SEZ6L: variants seen among roughly 807,000 people sequenced by gnomAD.
SEZ6L encodes seizure related 6 homolog like.
In SEZ6L, 37 loss-of-function variants were observed where a neutral mutation model predicts 106.2. That is an observed-to-expected ratio of 0.35 (90% CI 0.27 to 0.46). The LOEUF is 0.46. Ranked by LOEUF, SEZ6L falls within the 20% of genes least tolerant of loss-of-function variation. SEZ6L has a pLI of 1.00. For synonymous variants in SEZ6L, 541 were observed against 570.4 expected (o/e 0.95, Z 0.73); for missense variants, 1,172 against 1,332.8 (o/e 0.88, Z 1.88).
intron 1 of SEZ6L, among the ~76,000 whole-genome samples, chr22:26,186,446 CAAATATAAATGGGA>C: frequency 6.6e-6 from 1 of 152,120 alleles, no homozygotes; most frequent in African/African-American, 2.4e-5. Flanking sequence ...GGGCTAACTC[CAAATATAAATGGGA>C]AAGTTGGAAT....
chr22:26,353,670 A>G (rs1319750901), intron 12 of SEZ6L, among the ~76,000 whole-genome samples: 1 of 152,160 alleles, frequency 6.6e-6, no homozygotes, highest in South Asian at 2.1e-4. Context: ...TTGATTGGAC[A>G]TAGCGTCTTC....
intron 1 of SEZ6L, among the ~76,000 whole-genome samples, chr22:26,280,841 G>A (rs570608663): frequency 4.3e-4 from 65 of 152,284 alleles, no homozygotes; most frequent in African/African-American, 1.3e-3. Flanking sequence ...TGCAGGCATC[G>A]TGGAATGGCT....
At chr22:26,277,018 A>G (rs2080568047) in intron 1 of SEZ6L, among the ~76,000 whole-genome samples, 1 of 152,098 alleles carries the variant, frequency 6.6e-6, no homozygotes. Context: ...CCCAACATGA[A>G]TTACAAAGGA....
chr22:26,370,452 G>A (rs2146073084), intron 13 of SEZ6L, among the ~76,000 whole-genome samples: 1 of 152,256 alleles, frequency 6.6e-6, no homozygotes, highest in East Asian at 1.9e-4. Context: ...CCTGGACAAC[G>A]TGTTTGTATC....
chr22:26,318,159 C>T (rs1260383878), intron 9 of SEZ6L, among the ~76,000 whole-genome samples: 4 of 151,870 alleles, frequency 2.6e-5, no homozygotes, highest in African/African-American at 7.3e-5. Context: ...CTGCAACCTC[C>T]GATTCCTGGG....
rs1443473211 is a variant in SEZ6L, at chr22:26,174,460, C to G, written c.94+4697C>G. On this transcript the variant is annotated intron_variant, in intron 1 of 16. Coordinates refer to ENST00000248933, the MANE Select transcript of SEZ6L (RefSeq NM_021115.5). ...GTCGGACCTGCCTGTCCTCCCTGCT[C>G]TCCCCTGAACTTCACGGGCTGGGTA... 3.9e-5 allele frequency among the ~76,000 whole-genome samples: 6 copies of G among 152,226 alleles called. No homozygotes were observed. In the South Asian group the frequency reaches 8.3e-4, roughly 21 times the overall value.
At chr22:26,348,423 G>A (rs1195950138) in intron 11 of SEZ6L, among the ~76,000 whole-genome samples, 2 of 149,442 alleles carry the variant, frequency 1.3e-5, no homozygotes, top group African/African-American at 2.5e-5. Context: ...AGGATTGCTG[G>A]AACGCAGGTG....
chr22:26,235,677 C>A (rs2078935111), intron 1 of SEZ6L, among the ~76,000 whole-genome samples: 1 of 152,036 alleles, frequency 6.6e-6, no homozygotes, highest in Non-Finnish European at 1.5e-5. Flanking sequence ...CATTCTAAGC[C>A]AAGAAAATGA....
intron 12 of SEZ6L, among the ~76,000 whole-genome samples, chr22:26,354,869 G>A (rs1157850153): frequency 6.6e-6 from 1 of 152,180 alleles, no homozygotes; most frequent in Non-Finnish European, 1.5e-5. Flanking sequence ...ATGAGTTCAC[G>A]AGCCACGCGG....
Position 26,231,127 on chromosome 22 carries a change from G to A in SEZ6L, c.95-61279G>A, listed in dbSNP as rs116585035. On this transcript the variant is annotated intron_variant, in intron 1 of 16. Transcript: ENST00000248933. Reference sequence around the variant, plus strand: ...AGAGGTATTGCTCCCTGTGGAGCCCGGCTACCCCATAATAGTGTGCCCAGA... The same window carrying A: ...AGAGGTATTGCTCCCTGTGGAGCCCAGCTACCCCATAATAGTGTGCCCAGA... 6.9e-3 allele frequency among the ~76,000 whole-genome samples: 1,051 copies of A among 152,304 alleles called. 9 individuals carry two copies. The highest frequency in any genetic ancestry group is 0.02 in the African/African-American group (841 of 41,574).
At chr22:26,278,888 A>G (rs9608479) in intron 1 of SEZ6L, among the ~76,000 whole-genome samples, 1 of 112,674 alleles carries the variant, frequency 8.9e-6, no homozygotes, top group African/African-American at 3.2e-5. Context: ...GAAAAGGAAG[A>G]AAGAAAGAAG....
At chr22:26,363,658 T>A (rs1366216864) in intron 12 of SEZ6L, among the ~76,000 whole-genome samples, 2 of 152,200 alleles carry the variant, frequency 1.3e-5, no homozygotes, top group African/African-American at 4.8e-5. Flanking sequence ...AAACAACACG[T>A]TTATTATCTG....
At chr22:26,364,097 C>T (rs1482049844) in intron 12 of SEZ6L, among the ~76,000 whole-genome samples, 2 of 152,152 alleles carry the variant, frequency 1.3e-5, no homozygotes, top group African/African-American at 4.8e-5. Context: ...GTACACTAAC[C>T]TACTGGACTG....
At chr22:26,343,569 G>A (rs1161399949) in intron 10 of SEZ6L, among the ~76,000 whole-genome samples, 2 of 152,062 alleles carry the variant, frequency 1.3e-5, no homozygotes, top group African/African-American at 2.4e-5. Flanking sequence ...AAAATCCCTT[G>A]ACACCTCCTA....
At position 26,310,895 on chromosome 22, in the gene SEZ6L, G is replaced by A. The variant is rs919079346; in HGVS notation, c.1681+59G>A. The stretch of plus-strand genomic sequence containing the variant: ...GGGGCTGGGGGTAGCCTGGGAGCAG[G>A]GAAAGCATGGGGAGATAGAAATCTG... On this transcript the variant is annotated intron_variant, in intron 7 of 16. Coordinates refer to ENST00000248933, the MANE Select transcript of SEZ6L (RefSeq NM_021115.5). 3 of 1,534,814 alleles carry A rather than the reference G, an allele frequency of 2.0e-6. No homozygotes were observed. In the African/African-American group the frequency reaches 4.1e-5, roughly 21 times the overall value.
chr22:26,312,572 A>C (rs1291122206), intron 8 of SEZ6L, among the ~76,000 whole-genome samples: 2 of 152,122 alleles, frequency 1.3e-5, no homozygotes, highest in East Asian at 3.9e-4. Context: ...CCTCATCTAC[A>C]CAGGCTGCAG....
chr22:26,175,967 C>G (rs913993315), intron 1 of SEZ6L, among the ~76,000 whole-genome samples: 7 of 152,216 alleles, frequency 4.6e-5, no homozygotes, highest in Non-Finnish European at 8.8e-5. Context: ...GCATGGAAGG[C>G]TGAAGACCTC....
chr22:26,360,707 G>T (rs1042293820), intron 12 of SEZ6L, among the ~76,000 whole-genome samples: 4 of 152,126 alleles, frequency 2.6e-5, no homozygotes, highest in Non-Finnish European at 5.9e-5. Context: ...GGCTTCTCCT[G>T]TGCGCTTTCC....
intron 1 of SEZ6L, among the ~76,000 whole-genome samples, chr22:26,270,240 T>C (rs1052627710): frequency 2.0e-5 from 3 of 152,164 alleles, no homozygotes; most frequent in African/African-American, 4.8e-5. Context: ...TCAGTGATTA[T>C]TATGGAGATA....
Sources: gnomAD v4.1 joint callset for allele counts (sites outside exome capture counted in the v4.1 genomes callset) on GRCh38, gnomAD v4.1.1 for gene constraint, MANE v1.5 for transcripts, NCBI Gene and HGNC (gene_info 2026-07-23, HGNC 2026-07-21) for gene names.